The following PTGER4 variants were observed in gnomAD, a reference collection of about 807,000 sequenced individuals.
PTGER4 encodes the protein prostaglandin E2 receptor EP4 subtype.
A neutral mutation model predicts 33.2 loss-of-function variants in PTGER4; 11 were observed. The ratio of observed to expected loss-of-function variants is 0.33; its 90% CI spans 0.21 to 0.55. The LOEUF is 0.55. PTGER4 is among the 20% of genes least tolerant of loss of function. The pLI is 0.92. For synonymous variants in PTGER4, 275 were observed against 281.5 expected, an observed-to-expected ratio of 0.98 and a Z score of 0.23; for missense variants, 481 against 650.2, an observed-to-expected ratio of 0.74 and a Z score of 2.83.
chr5:40,712,968 C>A, the PTGER4 span, among the ~76,000 whole-genome samples: 2 of 152,070 alleles, frequency 1.3e-5, no homozygotes, highest in Admixed American at 6.6e-5. Context: ...GGGATAACCT[C>A]CTTTATTTCA....
chr5:40,722,825 A>G, the PTGER4 span, among the ~76,000 whole-genome samples: 3 of 147,130 alleles, frequency 2.0e-5, no homozygotes, highest in African/African-American at 7.6e-5. Flanking sequence ...TGGGGGGCGC[A>G]GCCCCCACCC....
downstream of PTGER4, chr5:40,696,647 G>A (rs1016332867): frequency 6.1e-6 from 6 of 981,846 alleles, no homozygotes; most frequent in African/African-American, 5.3e-5. Flanking sequence ...CCTTTACCTT[G>A]CCAGGCCATC....
Position 40,692,155 on chromosome 5 carries a change from T to C in PTGER4, c.1244T>C (p.Leu415Pro), listed in dbSNP as rs778156741. 1 of 1,614,228 alleles carries C rather than the reference T, an allele frequency of 6.2e-7. No individual in the cohort carries two copies. Among genetic ancestry groups the C allele is most frequent in the South Asian group, 1.1e-5 (1 of 91,086 alleles). ...SENGLGGRNL[L>P]PGVPGMGLAQ... ...AATGGCCTTGGAGGCAGGAATTTGC[T>C]TCCAGGTGTGCCTGGCATGGGCCTG... Residue 415 changes from leucine to proline, a missense_variant, in exon 3 of 3, where the codon CTT becomes CCT. Transcript: ENST00000302472.
At chr5:40,725,930 C>G in the PTGER4 span, among the ~76,000 whole-genome samples, 1 of 151,362 alleles carries the variant, frequency 6.6e-6, no homozygotes, top group African/African-American at 2.4e-5. Flanking sequence ...GGACTACAGG[C>G]GCCCGCCACC....
the PTGER4 span, among the ~76,000 whole-genome samples, chr5:40,698,801 T>C: frequency 6.6e-6 from 1 of 152,180 alleles, no homozygotes; most frequent in South Asian, 2.1e-4. Flanking sequence ...TAAACGGCCT[T>C]TACTCTGTAG....
At position 40,680,388 on chromosome 5, in the gene PTGER4, G is replaced by C. The variant is rs1267664055; in HGVS notation, c.-134G>C. On this transcript the variant is annotated 5_prime_UTR_variant, in exon 1 of 3. Coordinates refer to ENST00000302472, the MANE Select transcript of PTGER4 (RefSeq NM_000958.3). This position sits in a 1 kb window ranked among gnomAD's most constrained non-coding sequence, Gnocchi z 5.5. The stretch of plus-strand genomic sequence containing the variant: ...ATTTGGCAGTTTCCAGACTGAGCAG[G>C]ACAAGGTGAAAGCAGGTTGGAGGCG... 6.5e-6 allele frequency: 1 copy of C among 153,612 alleles called. No individual in the cohort carries two copies. The highest frequency in any genetic ancestry group is 1.9e-4 in the East Asian group (1 of 5,348). 9.5% of individuals were successfully genotyped at this position (153,612 alleles called of 1,614,324 possible).
chr5:40,746,748 G>T, the PTGER4 span: 2 of 1,373,638 alleles, frequency 1.5e-6, no homozygotes, highest in Non-Finnish European at 2.0e-6. Context: ...CGGACAGTGA[G>T]CTAGAAAATG....
downstream of PTGER4, chr5:40,696,750 AT>A (rs1741589688): frequency 1.1e-6 from 1 of 943,452 alleles, no homozygotes; most frequent in African/African-American, 1.8e-5. Flanking sequence ...ACACACTAAA[AT>A]CTGAACAATT....
the PTGER4 span, among the ~76,000 whole-genome samples, chr5:40,707,082 A>G: frequency 6.6e-6 from 1 of 152,350 alleles, no homozygotes; most frequent in Admixed American, 6.5e-5. Context: ...AACATGCCAA[A>G]TTGTAAAGAC....
chr5:40,711,758 T>C, the PTGER4 span, among the ~76,000 whole-genome samples: 1 of 152,098 alleles, frequency 6.6e-6, no homozygotes, highest in South Asian at 2.1e-4. Context: ...TCAACATGGA[T>C]GGGTTTCAAA....
the PTGER4 span, among the ~76,000 whole-genome samples, chr5:40,742,690 A>G: frequency 1.3e-5 from 2 of 152,228 alleles, no homozygotes; most frequent in African/African-American, 4.8e-5. Flanking sequence ...AGATTAAAAA[A>G]AGAAGAAAAA....
the PTGER4 span, among the ~76,000 whole-genome samples, chr5:40,720,529 G>A: frequency 6.6e-6 from 1 of 152,098 alleles, no homozygotes; most frequent in Admixed American, 6.6e-5. Context: ...TCAAATTTAA[G>A]ATAGTTTAAA....
the PTGER4 span, among the ~76,000 whole-genome samples, chr5:40,742,032 A>G: frequency 6.6e-6 from 1 of 152,102 alleles, no homozygotes; most frequent in African/African-American, 2.4e-5. Flanking sequence ...TATAGGGATC[A>G]TCTTGTTTTT....
intron 2 of PTGER4, chr5:40,685,311 G>T: frequency 1.3e-6 from 1 of 747,416 alleles, no homozygotes; most frequent in Middle Eastern, 6.7e-4. Context: ...TCTCTATAAA[G>T]CTTTCACCAG....
At chr5:40,745,645 T>C in the PTGER4 span, among the ~76,000 whole-genome samples, 1 of 151,496 alleles carries the variant, frequency 6.6e-6, no homozygotes, top group Non-Finnish European at 1.5e-5. Context: ...TGCCTCGGCC[T>C]CTCAAAGCAC....
At chr5:40,710,391 C>T in the PTGER4 span, among the ~76,000 whole-genome samples, 3 of 152,162 alleles carry the variant, frequency 2.0e-5, no homozygotes, top group South Asian at 6.2e-4. Flanking sequence ...CATCTAACAC[C>T]AGTTAGAATG....
the PTGER4 span, among the ~76,000 whole-genome samples, chr5:40,732,814 G>A: frequency 2.0e-5 from 3 of 151,960 alleles, no homozygotes; most frequent in Non-Finnish European, 4.4e-5. Flanking sequence ...CACCATGTTG[G>A]CCAGGCTGGT....
At chr5:40,720,710 T>C in the PTGER4 span, among the ~76,000 whole-genome samples, 3 of 152,038 alleles carry the variant, frequency 2.0e-5, no homozygotes, top group Non-Finnish European at 4.4e-5. Context: ...AGAAACTAAC[T>C]GAAAGGCTCC....
chr5:40,728,604 C>A, the PTGER4 span: 1 of 813,464 alleles, frequency 1.2e-6, no homozygotes, highest in Non-Finnish European at 1.8e-6. Flanking sequence ...TGATTTTTAC[C>A]CCTTACTCTG....
Sources: allele counts gnomAD v4.1 joint callset (sites outside exome capture counted in the v4.1 genomes callset), GRCh38; gene constraint gnomAD v4.1.1; non-coding constraint Gnocchi (gnomAD v3.1); transcripts MANE v1.5; gene names NCBI Gene and HGNC (gene_info 2026-07-23, HGNC 2026-07-21).